Variants in CDH4 observed in about 807,000 individuals in gnomAD.
The protein encoded by CDH4 is cadherin 4, also known as cadherin-4.
CDH4 carries 33 observed loss-of-function variants against 86.0 expected under a neutral mutation model. That is an observed-to-expected ratio of 0.38 (90% CI 0.29 to 0.51). The LOEUF is 0.51. Ranked by LOEUF, CDH4 falls within the 20% of genes least tolerant of loss-of-function variation. The pLI is 0.86. For synonymous variants in CDH4, 555 were observed against 549.4 expected, an observed-to-expected ratio of 1.01 and a Z score of -0.14; for missense variants, 1,114 against 1,307.4, an observed-to-expected ratio of 0.85 and a Z score of 2.28.
chr20:61,583,019 G>T (rs2086440766), intron 2 of CDH4, among the ~76,000 whole-genome samples: 1 of 151,954 alleles, frequency 6.6e-6, no homozygotes. Context: ...GCGCATGAGA[G>T]AATTGTACAG....
In CDH4 at chr20:61,399,173, C is replaced by T. The variant is rs1245413445; in HGVS notation, c.169+144236C>T. On this transcript the variant is annotated intron_variant, in intron 2 of 15. Transcript: ENST00000614565. ...CGGAGTCTCACTCTGTCGCCCAGGC[C>T]GGACTGCGGACTGCAGTGGCGCAAT... is the stretch of plus-strand genomic sequence containing the variant. Among the ~76,000 whole-genome samples the T allele has an allele frequency of 5.6e-5, 6 of 107,024 alleles. 1 individual carries two copies. Among genetic ancestry groups the T allele is most frequent in the Non-Finnish European group, 9.3e-5 (5 of 53,488 alleles). 70.2% of individuals were successfully genotyped at this position (107,024 alleles called of 152,430 possible).
intron 2 of CDH4, among the ~76,000 whole-genome samples, chr20:61,656,568 G>A (rs867007445): frequency 6.6e-5 from 10 of 152,162 alleles, no homozygotes; most frequent in African/African-American, 1.7e-4. Flanking sequence ...TGGCTGAGGC[G>A]TGGGTCAGTG....
intron 3 of CDH4, among the ~76,000 whole-genome samples, chr20:61,759,531 C>T (rs548548547): frequency 6.6e-6 from 1 of 152,368 alleles, no homozygotes; most frequent in East Asian, 1.9e-4. Flanking sequence ...TCCCGAATCA[C>T]ACACGCTGAT....
At chr20:61,690,125 G>T (rs1419163776) in intron 2 of CDH4, among the ~76,000 whole-genome samples, 1 of 148,174 alleles carries the variant, frequency 6.7e-6, no homozygotes, top group Non-Finnish European at 1.5e-5. Context: ...ATGTGGATTC[G>T]GGTGGGGACA....
intron 7 of CDH4, among the ~76,000 whole-genome samples, chr20:61,894,518 G>T (rs897316666): frequency 6.6e-6 from 1 of 152,194 alleles, no homozygotes; most frequent in African/African-American, 2.4e-5. Flanking sequence ...ACCCGCGTCT[G>T]TGGGGCATCC....
At position 61,639,870 on chromosome 20, in the gene CDH4, A is replaced by G. The variant is rs574344792; in HGVS notation, c.170-103693A>G. On this transcript the variant is annotated intron_variant, in intron 2 of 15. Coordinates refer to ENST00000614565, the MANE Select transcript of CDH4 (RefSeq NM_001794.5). ...ATTGTGAACAGAAAATTATCTGGCT[A>G]TCTCACAATGAAAATGCCCATCTTT... 7.9e-5 allele frequency among the ~76,000 whole-genome samples: 12 copies of G among 152,270 alleles called. 1 individual carries two copies. The highest frequency in any genetic ancestry group is 6.2e-4 in the South Asian group (3 of 4,818).
intron 2 of CDH4, among the ~76,000 whole-genome samples, chr20:61,565,161 T>TTAGTGATGGGG (rs2086262425): frequency 8.5e-6 from 1 of 118,014 alleles, no homozygotes; most frequent in African/African-American, 3.5e-5. Flanking sequence ...AGTGGTCCTC[T>TTAGTGATGGGG]TGGTGATGGG....
At position 61,652,279 on chromosome 20, in the gene CDH4, T is replaced by C. The variant is rs77971683; in HGVS notation, c.170-91284T>C. Among the ~76,000 whole-genome samples the C allele has an allele frequency of 1.6e-3, 238 of 152,336 alleles. 1 individual carries two copies. The East Asian group carries it at 0.033, about 21-fold the overall frequency. On this transcript the variant is annotated intron_variant, in intron 2 of 15. Coordinates refer to ENST00000614565, the MANE Select transcript of CDH4 (RefSeq NM_001794.5). The stretch of plus-strand genomic sequence containing the variant: ...CCTTCGAACAGTTCCTTCCACCCTC[T>C]TACTCCTTTGTATACGCAGCTATGT...
chr20:61,660,711 T>C (rs73148365), intron 2 of CDH4, among the ~76,000 whole-genome samples: 8,596 of 152,240 alleles, frequency 0.056, 279 homozygotes, highest in East Asian at 0.14. Flanking sequence ...GAAGGCCTAG[T>C]CCTCAGCCAC....
chr20:61,735,147 G>A (rs184967356), intron 2 of CDH4, among the ~76,000 whole-genome samples: 44 of 152,256 alleles, frequency 2.9e-4, no homozygotes, highest in Middle Eastern at 3.4e-3. Context: ...AGCTGTGGCC[G>A]GCACTCGGGA....
rs537671595 is a variant in CDH4 at position 61,765,237 on chromosome 20, G to A, written c.397-7766G>A. On this transcript the variant is annotated intron_variant, in intron 3 of 15. Coordinates refer to ENST00000614565, the MANE Select transcript of CDH4 (RefSeq NM_001794.5). ...GCTCAGGGCTCGGAGGGGTCCCGAG[G>A]ATGGACCTCCCACAGCCTCGTGTAA... Among the ~76,000 whole-genome samples the A allele has an allele frequency of 8.0e-4, 117 of 146,460 alleles. 5 individuals are homozygous for A. In the South Asian group the frequency reaches 0.025, roughly 32 times the overall value.
intron 2 of CDH4, among the ~76,000 whole-genome samples, chr20:61,347,430 C>A (rs1048933807): frequency 1.3e-5 from 2 of 152,270 alleles, no homozygotes; most frequent in Non-Finnish European, 2.9e-5. Context: ...ATTTCCCCCT[C>A]TTCATACTTT....
At chr20:61,338,613 C>T (rs993024347) in intron 2 of CDH4, among the ~76,000 whole-genome samples, 2 of 152,098 alleles carry the variant, frequency 1.3e-5, no homozygotes, top group South Asian at 2.1e-4. Context: ...TGGAGTCTTC[C>T]CTGACCCTCC....
chr20:61,864,544 C>G (rs1466482932), intron 6 of CDH4, among the ~76,000 whole-genome samples: 1 of 152,218 alleles, frequency 6.6e-6, no homozygotes, highest in African/African-American at 2.4e-5. Context: ...CTGCTGATCC[C>G]AGGATCCTGG....
intron 1 of CDH4, among the ~76,000 whole-genome samples, chr20:61,253,775 A>C (rs2084079945): frequency 6.6e-6 from 1 of 151,858 alleles, no homozygotes; most frequent in African/African-American, 2.4e-5. Flanking sequence ...GGAAGCCTGG[A>C]GCTCCGGGCT....
chr20:61,563,631 A>G (rs1459063180), intron 2 of CDH4, among the ~76,000 whole-genome samples: 1 of 152,192 alleles, frequency 6.6e-6, no homozygotes, highest in Non-Finnish European at 1.5e-5. Context: ...TCTGCCAGGC[A>G]GCAGATTCTC....
At chr20:61,691,467 AGT>A (rs1382428781) in intron 2 of CDH4, among the ~76,000 whole-genome samples, 3 of 151,644 alleles carry the variant, frequency 2.0e-5, no homozygotes, top group African/African-American at 7.3e-5. Context: ...GTGCATGTGT[AGT>A]GTGTGTGCAT....
At chr20:61,355,625 A>G (rs1219764759) in intron 2 of CDH4, among the ~76,000 whole-genome samples, 1 of 152,244 alleles carries the variant, frequency 6.6e-6, no homozygotes, top group Non-Finnish European at 1.5e-5. Context: ...GAGGCAGCTT[A>G]AGACATACTC....
intron 2 of CDH4, among the ~76,000 whole-genome samples, chr20:61,648,643 G>T (rs578216616): frequency 2.6e-5 from 4 of 152,302 alleles, no homozygotes; most frequent in African/African-American, 9.6e-5. Context: ...CACTGCAGGG[G>T]GTGAATGGCG....
Sources: gnomAD v4.1 joint callset for allele counts (sites outside exome capture counted in the v4.1 genomes callset) on GRCh38, gnomAD v4.1.1 for gene constraint, MANE v1.5 for transcripts, NCBI Gene and HGNC (gene_info 2026-07-23, HGNC 2026-07-21) for gene names.